The following GRM8 variants were observed in gnomAD, a reference collection of about 807,000 sequenced individuals.
GRM8 encodes metabotropic glutamate receptor 8.
In GRM8, 47 loss-of-function variants were observed where a neutral mutation model predicts 87.2. That is an observed-to-expected ratio of 0.54 (90% CI 0.43 to 0.69). The LOEUF (loss-of-function observed/expected upper bound fraction) is 0.69, where lower values mean the gene tolerates loss of function less well. Ranked by LOEUF, GRM8 falls within the 30% of genes least tolerant of loss-of-function variation. GRM8 has a pLI of 0.00. For synonymous variants in GRM8, 396 were observed against 404.5 expected, an observed-to-expected ratio of 0.98 and a Z score of 0.25; for missense variants, 1,019 against 1,139.2, an observed-to-expected ratio of 0.89 and a Z score of 1.52.
chr7:126,497,792 G>A (rs996069160), intron 9 of GRM8, among the ~76,000 whole-genome samples: 1 of 152,004 alleles, frequency 6.6e-6, no homozygotes, highest in Non-Finnish European at 1.5e-5. Context: ...ATGATAGGCA[G>A]TAGTAACCTA....
chr7:126,443,257 G>A (rs566994244), intron 10 of GRM8, among the ~76,000 whole-genome samples: 6 of 151,980 alleles, frequency 3.9e-5, no homozygotes, highest in South Asian at 4.2e-4. Context: ...AACTCCCCTC[G>A]CACTCTGTTG....
At chr7:126,723,937 T>C (rs1368600154) in intron 7 of GRM8, among the ~76,000 whole-genome samples, 1 of 152,178 alleles carries the variant, frequency 6.6e-6, no homozygotes, top group Non-Finnish European at 1.5e-5. Flanking sequence ...GCAGCACCTA[T>C]GCATATGATG....
chr7:126,675,586 C>T (rs1403222714), intron 7 of GRM8, among the ~76,000 whole-genome samples: 4 of 152,140 alleles, frequency 2.6e-5, no homozygotes, highest in African/African-American at 9.7e-5. Flanking sequence ...GATGGTTCAA[C>T]AAACACAAGT....
At chr7:127,131,640 T>C (rs934897519) in intron 2 of GRM8, among the ~76,000 whole-genome samples, 1 of 152,204 alleles carries the variant, frequency 6.6e-6, no homozygotes, top group African/African-American at 2.4e-5. Context: ...TTTCTTATTT[T>C]ATTAAAATGA....
At chr7:126,740,458 T>C (rs976312752) in intron 7 of GRM8, among the ~76,000 whole-genome samples, 3 of 152,140 alleles carry the variant, frequency 2.0e-5, no homozygotes, top group South Asian at 2.1e-4. Flanking sequence ...TTTTAAAGTC[T>C]TGACTAAAAT....
intron 9 of GRM8, among the ~76,000 whole-genome samples, chr7:126,503,332 A>G (rs779410296): frequency 2.0e-5 from 3 of 152,108 alleles, no homozygotes; most frequent in Non-Finnish European, 2.9e-5. Flanking sequence ...CTGATCAGAC[A>G]TGAGACTGTT....
At chr7:127,227,447 C>T (rs564667512) in intron 2 of GRM8, among the ~76,000 whole-genome samples, 1 of 152,280 alleles carries the variant, frequency 6.6e-6, no homozygotes, top group Admixed American at 6.5e-5. Flanking sequence ...AAATGAAAAG[C>T]TTAATATAAA....
intron 2 of GRM8, among the ~76,000 whole-genome samples, chr7:127,221,133 C>G (rs536748866): frequency 6.9e-4 from 105 of 152,334 alleles, no homozygotes; most frequent in African/African-American, 2.4e-3. Context: ...CTTACTAAAT[C>G]AAGTGTTCTC....
chr7:126,937,724 C>T (rs1806484426), intron 3 of GRM8, among the ~76,000 whole-genome samples: 1 of 152,210 alleles, frequency 6.6e-6, no homozygotes, highest in Non-Finnish European at 1.5e-5. Context: ...TTTGCCTCCT[C>T]CTCTTTTCCC....
At chr7:126,607,574 T>A (rs1021639048) in intron 8 of GRM8, among the ~76,000 whole-genome samples, 3 of 152,176 alleles carry the variant, frequency 2.0e-5, no homozygotes, top group Non-Finnish European at 4.4e-5. Flanking sequence ...GAAGAGGAGA[T>A]GTTTTTTGCT....
chr7:127,155,577 G>GAT (rs1792673605), intron 2 of GRM8, among the ~76,000 whole-genome samples: 1 of 152,084 alleles, frequency 6.6e-6, no homozygotes, highest in Admixed American at 6.6e-5. Flanking sequence ...GACTGAGGTG[G>GAT]ATATGTGGCA....
At chr7:126,549,627 T>C (rs995500964) in intron 8 of GRM8, among the ~76,000 whole-genome samples, 2 of 152,160 alleles carry the variant, frequency 1.3e-5, no homozygotes, top group Non-Finnish European at 1.5e-5. Flanking sequence ...CGTAATACTT[T>C]TTAGGAGAAA....
At chr7:127,062,950 T>C (rs1350958535) in intron 3 of GRM8, among the ~76,000 whole-genome samples, 2 of 152,178 alleles carry the variant, frequency 1.3e-5, no homozygotes, top group African/African-American at 4.8e-5. Flanking sequence ...TTATTAATTT[T>C]TTTCCCACAA....
intron 7 of GRM8, among the ~76,000 whole-genome samples, chr7:126,652,482 A>G (rs1804013030): frequency 6.6e-6 from 1 of 152,208 alleles, no homozygotes; most frequent in Non-Finnish European, 1.5e-5. Context: ...GTGGACTGGG[A>G]AAGGCAGACC....
chr7:126,697,596 T>C (rs1809519440), intron 7 of GRM8, among the ~76,000 whole-genome samples: 2 of 152,078 alleles, frequency 1.3e-5, no homozygotes, highest in African/African-American at 2.4e-5. Context: ...CATCTCCCCA[T>C]TGTGGGTCAT....
chr7:126,484,537 T>C (rs113798333), intron 9 of GRM8, among the ~76,000 whole-genome samples: 107 of 152,184 alleles, frequency 7.0e-4, no homozygotes, highest in Non-Finnish European at 1.1e-3. Flanking sequence ...AGCACATTCA[T>C]AAGAAAGTAC....
intron 3 of GRM8, among the ~76,000 whole-genome samples, chr7:126,914,984 C>A (rs1211085024): frequency 1.3e-5 from 2 of 152,164 alleles, no homozygotes; most frequent in Non-Finnish European, 2.9e-5. Flanking sequence ...GCACAGAGAG[C>A]CCCTCTCCTG....
At chr7:126,589,718 G>T (rs757428306) in intron 8 of GRM8, among the ~76,000 whole-genome samples, 16 of 152,124 alleles carry the variant, frequency 1.1e-4, no homozygotes, top group Non-Finnish European at 1.6e-4. Context: ...GGCCCTCACA[G>T]AATGCATTTC....
At chr7:126,571,547 T>C (rs1345655397) in intron 8 of GRM8, among the ~76,000 whole-genome samples, 1 of 152,074 alleles carries the variant, frequency 6.6e-6, no homozygotes, top group Non-Finnish European at 1.5e-5. Flanking sequence ...AATAGTAAGA[T>C]TTCTAGTGTG....
Sources: gnomAD v4.1 joint callset for allele counts (sites outside exome capture counted in the v4.1 genomes callset) on GRCh38, gnomAD v4.1.1 for gene constraint, MANE v1.5 for transcripts, NCBI Gene and HGNC (gene_info 2026-07-23, HGNC 2026-07-21) for gene names.